The following MARCHF8 variants were observed in gnomAD, a reference collection of about 807,000 sequenced individuals.
The protein encoded by MARCHF8 is E3 ubiquitin-protein ligase MARCHF8.
In MARCHF8, 40 loss-of-function variants were observed where a neutral mutation model predicts 51.6. The observed-to-expected ratio is 0.77, with a 90% CI of 0.60 to 1.01. MARCHF8 has a LOEUF of 1.01. Ranked by LOEUF, MARCHF8 falls within the 50% of genes least tolerant of loss-of-function variation. The probability of loss-of-function intolerance (pLI) is 0.00; values close to 1 mark genes in which losing one functional copy is unlikely to be tolerated. For missense variants in MARCHF8, 685 were observed against 708.6 expected (o/e 0.97, Z 0.38); for synonymous variants, 263 against 280.3 (o/e 0.94, Z 0.62).
At chr10:45,458,950 A>T (rs1232103623) in intron 7 of MARCHF8, among the ~76,000 whole-genome samples, 170 bp downstream of exon 7, 1 of 152,196 alleles carries the variant, frequency 6.6e-6, no homozygotes, top group African/African-American at 2.4e-5. Flanking sequence ...GGGTTTCAAA[A>T]ACTACCACCA....
chr10:45,516,501 G>A (rs1357219248), intron 2 of MARCHF8, among the ~76,000 whole-genome samples: 1 of 152,102 alleles, frequency 6.6e-6, no homozygotes, highest in South Asian at 2.1e-4. Flanking sequence ...GGTGGCTCAC[G>A]CCTGTTAATC....
intron 1 of MARCHF8, among the ~76,000 whole-genome samples, chr10:45,565,654 A>G (rs1234692608): frequency 6.6e-6 from 1 of 152,144 alleles, no homozygotes; most frequent in African/African-American, 2.4e-5. Context: ...TAGCAGGAAA[A>G]AAAAAGGACA....
At chr10:45,591,846 C>T (rs1050698687) in intron 1 of MARCHF8, among the ~76,000 whole-genome samples, 1 of 152,160 alleles carries the variant, frequency 6.6e-6, no homozygotes, top group Non-Finnish European at 1.5e-5. Flanking sequence ...CTTCTTTCCA[C>T]CGTTCTGTCC....
intron 1 of MARCHF8, among the ~76,000 whole-genome samples, chr10:45,555,377 T>C (rs927565601): frequency 1.3e-5 from 2 of 152,180 alleles, no homozygotes; most frequent in Non-Finnish European, 1.5e-5. Flanking sequence ...AGATCTATCA[T>C]TAATTAATGT....
chr10:45,531,910 C>CA (rs1301864811), intron 2 of MARCHF8, among the ~76,000 whole-genome samples: 2 of 152,254 alleles, frequency 1.3e-5, no homozygotes, highest in East Asian at 3.9e-4. Context: ...CTCCACTGGA[C>CA]AAAAATTTAC....
At chr10:45,514,431 G>A (rs1589141188) in intron 2 of MARCHF8, among the ~76,000 whole-genome samples, 2 of 152,258 alleles carry the variant, frequency 1.3e-5, no homozygotes, top group East Asian at 3.8e-4. Flanking sequence ...AACAGGCGCT[G>A]CCTGCACAGC....
At chr10:45,580,018 A>G (rs2044536935) in intron 1 of MARCHF8, among the ~76,000 whole-genome samples, 2 of 151,150 alleles carry the variant, frequency 1.3e-5, no homozygotes, top group African/African-American at 4.8e-5. Flanking sequence ...AAAAAAAAAA[A>G]AAAAAAAAAA....
intron 1 of MARCHF8, among the ~76,000 whole-genome samples, chr10:45,591,116 T>C (rs947048048): frequency 2.6e-5 from 4 of 152,104 alleles, no homozygotes; most frequent in African/African-American, 4.8e-5. Flanking sequence ...CTTATAGGTG[T>C]TGAGAAACCT....
chr10:45,534,170 G>A (rs2043936901), intron 1 of MARCHF8, among the ~76,000 whole-genome samples: 1 of 151,432 alleles, frequency 6.6e-6, no homozygotes. Context: ...GTAACACAGC[G>A]AGACTCCAAC....
Position 45,458,251 on chromosome 10 carries a change from G to A in MARCHF8, c.1710C>T (p.Ile570=), listed in dbSNP as rs756738225. Residue 570 remains isoleucine (I), a synonymous_variant, in exon 8 of 8, where the codon ATC becomes ATT. Transcript: ENST00000453424. ...AACCCGCACACAATCAGACGTGAAT[G>A]ATTTCTGCTCCAGTGTCTTCAGGCT... is the stretch of plus-strand genomic sequence containing the variant. The part of the protein sequence containing the change: ...CTEPEDTGAE[I]IHV The A allele has an allele frequency of 6.2e-7, 1 of 1,609,946 alleles. No individual in the cohort carries two copies. The highest frequency in any genetic ancestry group is 8.5e-7 in the Non-Finnish European group (1 of 1,177,790).
intron 1 of MARCHF8, among the ~76,000 whole-genome samples, chr10:45,572,831 A>G (rs150527254): frequency 2.0e-5 from 3 of 152,146 alleles, no homozygotes; most frequent in African/African-American, 4.8e-5. Flanking sequence ...CCGTGGACCC[A>G]AAACTCCAGC....
intron 2 of MARCHF8, among the ~76,000 whole-genome samples, chr10:45,528,699 C>T (rs1416742825): frequency 6.6e-6 from 1 of 152,024 alleles, no homozygotes; most frequent in Admixed American, 6.6e-5. Flanking sequence ...AAGCTGAGAA[C>T]CAAATCAAGA....
At chr10:45,469,003 C>T (rs1245198716) in intron 3 of MARCHF8, among the ~76,000 whole-genome samples, 3 of 152,072 alleles carry the variant, frequency 2.0e-5, no homozygotes, top group African/African-American at 4.8e-5. Flanking sequence ...GAGGTTTGTA[C>T]ACTGCACTAG....
rs561868050 is a variant in MARCHF8, at chr10:45,528,869, G to A, written c.102+4241C>T. The stretch of plus-strand genomic sequence containing the variant: ...ACACAAACATGATCATGGGTTAGAA[G>A]AATCAGTATCATTAAAATGACCATA... On this transcript the variant is annotated intron_variant, in intron 2 of 7. Transcript: ENST00000453424. Among the ~76,000 whole-genome samples, 15 of 152,268 alleles carry A rather than the reference G, an allele frequency of 9.9e-5. No homozygotes were observed. The South Asian group carries it at 3.1e-3, about 32-fold the overall frequency.
At chr10:45,513,668 A>C (rs552298173) in intron 2 of MARCHF8, among the ~76,000 whole-genome samples, 2 of 152,074 alleles carry the variant, frequency 1.3e-5, no homozygotes, top group South Asian at 4.1e-4. Context: ...TAGCCTCAGC[A>C]AAGTTAACAG....
At chr10:45,547,059 C>A (rs1161161248) in intron 1 of MARCHF8, among the ~76,000 whole-genome samples, 1 of 151,762 alleles carries the variant, frequency 6.6e-6, no homozygotes, top group African/African-American at 2.4e-5. Flanking sequence ...CTTGTCTCCC[C>A]ACCAAAAAAA....
At chr10:45,593,276 C>A (rs2044701526) in intron 1 of MARCHF8, among the ~76,000 whole-genome samples, 1 of 151,976 alleles carries the variant, frequency 6.6e-6, no homozygotes, top group Non-Finnish European at 1.5e-5. Flanking sequence ...TCTCTTAAAA[C>A]CCTAGTCTCC....
chr10:45,536,097 C>T (rs2043966924), upstream of MARCHF8, among the ~76,000 whole-genome samples: 1 of 152,020 alleles, frequency 6.6e-6, no homozygotes, highest in African/African-American at 2.4e-5. Context: ...CTCAGATCTG[C>T]CAAAACAACC....
intron 2 of MARCHF8, among the ~76,000 whole-genome samples, chr10:45,521,909 A>C (rs1413191062): frequency 6.6e-6 from 1 of 152,198 alleles, no homozygotes; most frequent in Non-Finnish European, 1.5e-5. Flanking sequence ...ATTCTGATGC[A>C]TAAAATTAAC....
Sources: gnomAD v4.1 joint callset for allele counts (sites outside exome capture counted in the v4.1 genomes callset) on GRCh38, gnomAD v4.1.1 for gene constraint, MANE v1.5 for transcripts, NCBI Gene and HGNC (gene_info 2026-07-23, HGNC 2026-07-21) for gene names.